ADAMTS2: variants seen among roughly 807,000 people sequenced by gnomAD.
The protein encoded by ADAMTS2 is A disintegrin and metalloproteinase with thrombospondin motifs 2.
In ADAMTS2, 50 loss-of-function variants were observed where a neutral mutation model predicts 123.0. The ratio of observed to expected loss-of-function variants is 0.41; its 90% CI spans 0.32 to 0.51. The LOEUF (loss-of-function observed/expected upper bound fraction) is 0.51. Ranked by LOEUF, ADAMTS2 falls within the 20% of genes least tolerant of loss-of-function variation. ADAMTS2 has a pLI of 0.35. For missense variants in ADAMTS2, 1,494 were observed against 1,705.2 expected (o/e 0.88, Z 2.18); for synonymous variants, 678 against 695.4 (o/e 0.98, Z 0.39).
At chr5:179,221,449 C>G (rs72818658) in intron 3 of ADAMTS2, among the ~76,000 whole-genome samples, 1 of 152,108 alleles carries the variant, frequency 6.6e-6, no homozygotes, top group African/African-American at 2.4e-5. Flanking sequence ...GCACAAAGAC[C>G]CCCCACTTTC....
rs554409662 is a variant in ADAMTS2, at chr5:179,146,603, C to T, written c.1629+5539G>A. ...TTCCTATGTGTTCATCAGATTCACT[C>T]CTCTTCGTTAATGAGACTGTCAAAC... On this transcript the variant is annotated intron_variant, in intron 10 of 21. Transcript: ENST00000251582. Among the ~76,000 whole-genome samples the T allele has an allele frequency of 6.6e-4, 101 of 152,314 alleles. 1 individual carries two copies. The highest frequency in any genetic ancestry group is 2.4e-3 in the African/African-American group (98 of 41,564).
chr5:179,328,125 C>T (rs932876508), intron 2 of ADAMTS2, among the ~76,000 whole-genome samples: 24 of 152,214 alleles, frequency 1.6e-4, no homozygotes, highest in African/African-American at 1.9e-4. Flanking sequence ...CTCCGCCTCC[C>T]GGGTTCACGC....
In ADAMTS2 at chr5:179,130,064, T is replaced by G. The variant is rs767715264; in HGVS notation, c.2325A>C (p.Leu775Phe). 3 of 1,614,038 alleles carry G rather than the reference T, an allele frequency of 1.9e-6. No homozygotes were observed. Among genetic ancestry groups the G allele is most frequent in the Non-Finnish European group, 2.5e-6 (3 of 1,180,048 alleles). ...VKNLETGKFI[L>F]NEENDVDASS... ...TGGCATCCACGTCATTCTCTTCATT[T>G]AAGATGAACTTGCCTGTCTCCAGGT... The change falls in exon 16 of 22, where the codon TTA becomes TTC. Residue 775 changes from leucine (L) to phenylalanine (F), a missense_variant. Coordinates refer to ENST00000251582, the MANE Select transcript of ADAMTS2 (RefSeq NM_014244.5). The surrounding 1 kb of genome is among the most constrained non-coding windows in gnomAD (Gnocchi z 4.3).
intron 2 of ADAMTS2, among the ~76,000 whole-genome samples, chr5:179,325,134 G>T (rs1757279616): frequency 6.6e-6 from 1 of 152,244 alleles, no homozygotes; most frequent in African/African-American, 2.4e-5. Context: ...AGAGTTGACA[G>T]TTGATGGGTG....
rs1340485200 is a variant in ADAMTS2 at position 179,242,874 on chromosome 5, C to T, written c.688+30037G>A. On this transcript the variant is annotated intron_variant, in intron 3 of 21. Transcript: ENST00000251582. The surrounding 1 kb of genome is among the most constrained non-coding windows in gnomAD (Gnocchi z 4.2). The stretch of plus-strand genomic sequence containing the variant: ...TCCCTGCTGAGTGTGACCGAAAGGC[C>T]GGAGCACCTTCCTCCACCCAGCCCT... Among the ~76,000 whole-genome samples, 10 of 152,274 alleles carry T rather than the reference C, an allele frequency of 6.6e-5. No individual in the cohort carries two copies. Among genetic ancestry groups the T allele is most frequent in the Admixed American group, 5.9e-4 (9 of 15,298 alleles).
At chr5:179,261,376 T>C (rs1581228007) in intron 3 of ADAMTS2, among the ~76,000 whole-genome samples, 2 of 152,242 alleles carry the variant, frequency 1.3e-5, no homozygotes, top group Admixed American at 6.5e-5. Context: ...GGAGCTGCTG[T>C]GGGAGCCAGT....
At chr5:179,201,880 G>C (rs1442335512) in intron 4 of ADAMTS2, among the ~76,000 whole-genome samples, 1 of 152,040 alleles carries the variant, frequency 6.6e-6, no homozygotes, top group Non-Finnish European at 1.5e-5. Flanking sequence ...TGCTTTTCTA[G>C]ATGTAAGGAG....
rs1385078392 is a variant in ADAMTS2 at position 179,272,089 on chromosome 5, G to C, written c.688+822C>G. 6.6e-6 allele frequency among the ~76,000 whole-genome samples: 1 copy of C among 152,188 alleles called. No homozygotes were observed. The highest frequency in any genetic ancestry group is 2.4e-5 in the African/African-American group (1 of 41,450). On this transcript the variant is annotated intron_variant, in intron 3 of 21. Transcript: ENST00000251582. The surrounding 1 kb of genome is among the most constrained non-coding windows in gnomAD (Gnocchi z 5.8). The stretch of plus-strand genomic sequence containing the variant: ...ACAGGCCAGGAGTCCCTGACCACAC[G>C]GGGGACCCTGAGAACTATGGGCCTG...
At chr5:179,208,164 A>T (rs1342326932) in intron 3 of ADAMTS2, among the ~76,000 whole-genome samples, 1 of 151,068 alleles carries the variant, frequency 6.6e-6, no homozygotes, top group Non-Finnish European at 1.5e-5. Context: ...ACACTGCCCG[A>T]TGCTGGAGTG....
chr5:179,141,116 A>G (rs1763161014), intron 10 of ADAMTS2, among the ~76,000 whole-genome samples: 1 of 152,024 alleles, frequency 6.6e-6, no homozygotes, highest in Non-Finnish European at 1.5e-5. Flanking sequence ...CGCCCGGCCG[A>G]CTGCATACTC....
chr5:179,250,414 T>C (rs997456339), intron 3 of ADAMTS2, among the ~76,000 whole-genome samples: 1 of 152,086 alleles, frequency 6.6e-6, no homozygotes, highest in Non-Finnish European at 1.5e-5. Flanking sequence ...GGGTACAGGG[T>C]TTCTTTTGGG....
At chr5:179,122,353 C>A (rs556264256) in intron 20 of ADAMTS2, among the ~76,000 whole-genome samples, 3 of 152,320 alleles carry the variant, frequency 2.0e-5, no homozygotes, top group Admixed American at 1.3e-4. Context: ...CACACAGGCA[C>A]CCCCTACACC....
chr5:179,258,721 G>T (rs563258207), intron 3 of ADAMTS2, among the ~76,000 whole-genome samples: 3 of 152,208 alleles, frequency 2.0e-5, no homozygotes, highest in African/African-American at 7.2e-5. Context: ...CAGAGGAAAT[G>T]ATTCTAGCGA....
rs1398116584 is a variant in ADAMTS2 at position 179,155,924 on chromosome 5, C to G, written c.1133-1005G>C. ...GCCACTGGGACCCCGGGTGAGCTGG[C>G]GGTGTACGCGCCTAAAAATAGAAGC... On this transcript the variant is annotated intron_variant, in intron 6 of 21. Coordinates refer to ENST00000251582, the MANE Select transcript of ADAMTS2 (RefSeq NM_014244.5). The surrounding 1 kb of genome is among the most constrained non-coding windows in gnomAD (Gnocchi z 5.1). Among the ~76,000 whole-genome samples, 2 of 152,084 alleles carry G rather than the reference C, an allele frequency of 1.3e-5. No homozygotes were observed. Among genetic ancestry groups the G allele is most frequent in the Non-Finnish European group, 2.9e-5 (2 of 68,026 alleles).
intron 3 of ADAMTS2, among the ~76,000 whole-genome samples, chr5:179,229,682 A>C (rs1181246895): frequency 6.6e-6 from 1 of 152,224 alleles, no homozygotes; most frequent in East Asian, 1.9e-4. Context: ...ATCACCTCCA[A>C]GAAAAAAGAA....
intron 2 of ADAMTS2, among the ~76,000 whole-genome samples, chr5:179,291,678 A>G (rs1180616314): frequency 6.6e-6 from 1 of 152,168 alleles, no homozygotes; most frequent in African/African-American, 2.4e-5. Context: ...CTGATGGGGA[A>G]GATGAGGCTG....
In ADAMTS2 at chr5:179,314,991, A is replaced by G. The variant is rs2113582157; in HGVS notation, c.534+28776T>C. ...CCAGCTACGCCCCCTTCTCCCAGTTATTCAAGCCTGGAAGGAACCTGGAAG... is the reference window on the plus strand; with the variant it reads ...CCAGCTACGCCCCCTTCTCCCAGTTGTTCAAGCCTGGAAGGAACCTGGAAG... On this transcript the variant is annotated intron_variant, in intron 2 of 21. Transcript: ENST00000251582. The surrounding 1 kb of genome is among the most constrained non-coding windows in gnomAD (Gnocchi z 4.5). Among the ~76,000 whole-genome samples, 1 of 151,874 alleles carries G rather than the reference A, an allele frequency of 6.6e-6. No homozygotes were observed. The highest frequency in any genetic ancestry group is 2.4e-5 in the African/African-American group (1 of 41,410).
At chr5:179,283,945 GATT>G (rs756134923) in intron 2 of ADAMTS2, among the ~76,000 whole-genome samples, 1,240 of 120,478 alleles carry the variant, frequency 0.01, 11 homozygotes, top group African/African-American at 0.019. Context: ...ATGGTCAGAT[GATT>G]ATTATTATTA....
chr5:179,119,358 G>C (rs1286560954), intron 21 of ADAMTS2, among the ~76,000 whole-genome samples: 1 of 152,204 alleles, frequency 6.6e-6, no homozygotes, highest in East Asian at 1.9e-4. Flanking sequence ...ATGACACTGG[G>C]CTGCTCCCCA....
Sources: gnomAD v4.1 joint callset for allele counts (sites outside exome capture counted in the v4.1 genomes callset) on GRCh38, gnomAD v4.1.1 for gene constraint, Gnocchi (gnomAD v3.1) non-coding constraint, MANE v1.5 for transcripts, NCBI Gene and HGNC (gene_info 2026-07-23, HGNC 2026-07-21) for gene names.